Variants in MIER2 observed in about 807,000 individuals in gnomAD.
MIER2 encodes mesoderm induction early response protein 2.
In MIER2, 30 loss-of-function variants were observed where a neutral mutation model predicts 67.6. The observed-to-expected ratio is 0.44, with a 90% CI of 0.33 to 0.60. The LOEUF (loss-of-function observed/expected upper bound fraction) is 0.60. MIER2 is among the 20% of genes least tolerant of loss of function. The pLI is 0.02. For synonymous variants in MIER2, 372 were observed against 312.6 expected (o/e 1.19, Z -2.00); for missense variants, 702 against 745.1 (o/e 0.94, Z 0.67).
rs1682947010 is a variant in MIER2, at chr19:344,779, C to T, written c.4G>A (p.Ala2Thr). The change falls in exon 1 of 14, where the codon GCG becomes ACG. Residue 2 changes from alanine (A) to threonine (T), a missense_variant. By Grantham distance (58) the Ala-to-Thr change is moderately conservative. Around this residue, in one of 3 missense-constraint regions of MIER2, gnomAD observed 320 missense variants for 292.6 expected, o/e 1.09. Transcript: ENST00000264819. M[A>T]EASSLGRQSP... is the part of the protein sequence containing the mutation. ...CCCCCGGCCCGCTCACTCACCTCCGCCATGGCCGTGTGTGCGCGGGAGGCG... is the reference window on the plus strand; with the variant it reads ...CCCCCGGCCCGCTCACTCACCTCCGTCATGGCCGTGTGTGCGCGGGAGGCG... The T allele has an allele frequency of 8.4e-7, 1 of 1,194,276 alleles. No homozygotes were observed. The highest frequency in any genetic ancestry group is 1.0e-6 in the Non-Finnish European group (1 of 963,796). 74.0% of individuals were successfully genotyped at this position (1,194,276 alleles called of 1,614,324 possible).
intron 10 of MIER2, among the ~76,000 whole-genome samples, chr19:310,702 G>A (rs1568216789): frequency 6.6e-6 from 1 of 150,800 alleles, no homozygotes; most frequent in Non-Finnish European, 1.5e-5. Context: ...TAGAAACACG[G>A]CCCGGAGCTA....
rs774393187 is a variant in MIER2 at position 308,632 on chromosome 19, G to A, written c.1143C>T (p.Pro381=). The change falls in exon 12 of 14, where the codon CCC becomes CCT. Residue 381 remains proline, a synonymous_variant. Coordinates refer to ENST00000264819, the MANE Select transcript of MIER2 (RefSeq NM_017550.3). This position sits in a 1 kb window ranked among gnomAD's most constrained non-coding sequence, Gnocchi z 9.1. ...CCGGGCGCGGACGGCCGGGGCCATC[G>A]GGGTCGCTGCCATCCAGGTCCTGGT... The part of the protein sequence containing the change: ...DADQDLDGSD[P]DGPGRPRPEQ... 84 of 1,606,124 alleles carry A rather than the reference G, an allele frequency of 5.2e-5. No individual in the cohort carries two copies. Among genetic ancestry groups the A allele is most frequent in the South Asian group, 1.0e-4 (9 of 90,036 alleles).
chr19:307,179 G>T lies in MIER2; in HGVS notation c.1556C>A (p.Pro519His). ...FGLIGIGDVN[P>H]FLAAHPTCPA... Reference sequence around the variant, plus strand: ...GCACGTGGGGTGGGCGGCCAGGAAGGGGTTCACGTCCCCAATGCCGATGAG... The same window carrying T: ...GCACGTGGGGTGGGCGGCCAGGAAGTGGTTCACGTCCCCAATGCCGATGAG... Residue 519 changes from proline (P) to histidine (H), a missense_variant, in exon 13 of 14, where the codon CCC becomes CAC. Pro to His is a moderately conservative substitution (Grantham distance 77, BLOSUM62 -2). Coordinates refer to ENST00000264819, the MANE Select transcript of MIER2 (RefSeq NM_017550.3). 1 of 1,588,784 alleles carries T rather than the reference G, an allele frequency of 6.3e-7. No homozygotes were observed. The highest frequency in any genetic ancestry group is 2.3e-5 in the East Asian group (1 of 43,732).
intron 7 of MIER2, among the ~76,000 whole-genome samples, chr19:325,305 G>A (rs777616499): frequency 6.6e-5 from 10 of 152,236 alleles, no homozygotes; most frequent in African/African-American, 9.6e-5. Context: ...CCGGCACAGA[G>A]CCATCGAATG....
intron 2 of MIER2, 142 bp from the exon 3 acceptor site, chr19:334,684 G>C: frequency 1.8e-6 from 2 of 1,128,272 alleles, no homozygotes; most frequent in Non-Finnish European, 2.5e-6. Context: ...GAACCCAACA[G>C]GACACCCCAC....
Position 306,397 on chromosome 19 carries a change from G to C in MIER2, c.*293C>G. ...CTCTGCCCTGCGTCCCAACGGCGGG[G>C]TCTCTTCTGTCCCCGGCTGCCCGAC... On this transcript the variant is annotated 3_prime_UTR_variant, in exon 14 of 14. Coordinates refer to ENST00000264819, the MANE Select transcript of MIER2 (RefSeq NM_017550.3). 1 of 561,344 alleles carries C rather than the reference G, an allele frequency of 1.8e-6. No individual in the cohort carries two copies. The highest frequency in any genetic ancestry group is 2.2e-5 in the South Asian group (1 of 45,036). 34.8% of individuals were successfully genotyped at this position (561,344 alleles called of 1,614,324 possible). A position where few individuals can be genotyped will look rare whatever the true frequency, so the allele number is the denominator to read the frequency against.
chr19:325,189 GAA>G (rs907166609), intron 7 of MIER2, among the ~76,000 whole-genome samples: 17 of 152,366 alleles, frequency 1.1e-4, no homozygotes, highest in African/African-American at 4.1e-4. Context: ...ACTCTAGTGG[GAA>G]AGAGACGAAG....
chr19:329,651 G>A (rs910817911), intron 3 of MIER2, among the ~76,000 whole-genome samples: 3 of 152,122 alleles, frequency 2.0e-5, no homozygotes, highest in African/African-American at 7.2e-5. Flanking sequence ...CACTTTGGGA[G>A]GCTGAGGCAG....
At chr19:344,696 C>G in intron 1 of MIER2, 78 bp downstream of exon 1, 2 of 972,276 alleles carry the variant, frequency 2.1e-6, no homozygotes, top group South Asian at 9.8e-5. Flanking sequence ...CTGGGGCCCA[C>G]GACGAGGCCG....
chr19:335,954 GCTGGGACACC>G (rs1972232968), intron 2 of MIER2, 119 bp downstream of exon 2: 1 of 848,254 alleles, frequency 1.2e-6, no homozygotes, highest in Admixed American at 2.3e-5. Context: ...ACGGGTGGGA[GCTGGGACACC>G]CTGGACTCTG....
In MIER2 at chr19:325,632, T is replaced by TA; in HGVS notation, c.655+2dup. 1 of 1,614,162 alleles carries TA rather than the reference T, an allele frequency of 6.2e-7. No individual in the cohort carries two copies. Among genetic ancestry groups the TA allele is most frequent in the Non-Finnish European group, 8.5e-7 (1 of 1,180,016 alleles). On this transcript the variant is annotated splice_region_variant and intron_variant, in intron 7 of 13. Transcript: ENST00000264819. ...TCGCCTCCTCTCCCCAGGCCCTACT[T>TA]ACTCTTCTCACAGTGCCGGTTCAAG...
At chr19:344,311 G>C (rs1239006294) in intron 1 of MIER2, 1 of 984,834 alleles carries the variant, frequency 1.0e-6, no homozygotes, top group African/African-American at 1.7e-5. Flanking sequence ...GGGTCCACCG[G>C]GATCCCGATG....
chr19:339,312 C>A (rs568025482), intron 1 of MIER2, among the ~76,000 whole-genome samples: 58 of 152,236 alleles, frequency 3.8e-4, no homozygotes, highest in African/African-American at 1.4e-3. Flanking sequence ...AGACATTTCT[C>A]CAAAGAGGAC....
chr19:312,016 G>A, intron 9 of MIER2, 77 bp from the exon 10 acceptor site: 1 of 1,183,098 alleles, frequency 8.5e-7, no homozygotes, highest in South Asian at 1.8e-5. Flanking sequence ...AGGCCGGGGA[G>A]AACAGTCAGC....
intron 1 of MIER2, chr19:343,810 A>G (rs901867721): frequency 8.7e-5 from 85 of 982,282 alleles, no homozygotes; most frequent in Non-Finnish European, 1.0e-4. Context: ...CTTCACCTAC[A>G]TTATCTCTTT....
intron 1 of MIER2, among the ~76,000 whole-genome samples, chr19:336,911 T>C (rs8182545): frequency 0.73 from 110,578 of 151,370 alleles, 40,612 homozygotes; most frequent in African/African-American, 0.79. Flanking sequence ...GGCGCAATCT[T>C]GGCTCACTGC....
intron 7 of MIER2, among the ~76,000 whole-genome samples, chr19:323,439 A>C (rs1282116486): frequency 6.6e-6 from 1 of 151,956 alleles, no homozygotes; most frequent in African/African-American, 2.4e-5. Context: ...GGACACACAC[A>C]CACAACCATG....
At chr19:341,329 G>A (rs924924556) in intron 1 of MIER2, among the ~76,000 whole-genome samples, 15 of 152,332 alleles carry the variant, frequency 9.8e-5, no homozygotes, top group African/African-American at 3.6e-4. Flanking sequence ...GTAACAGGGA[G>A]TTAACATATG....
At chr19:344,593 G>T in intron 1 of MIER2, 181 bp downstream of exon 1, 1 of 268,878 alleles carries the variant, frequency 3.7e-6, no homozygotes, top group Non-Finnish European at 5.6e-6. Flanking sequence ...GGCCGGCCGG[G>T]GGCGGCCGCC....
Sources: gnomAD v4.1 joint callset for allele counts (sites outside exome capture counted in the v4.1 genomes callset) on GRCh38, gnomAD v4.1.1 for gene constraint, gnomAD v4.1.1 regional missense constraint, Gnocchi (gnomAD v3.1) non-coding constraint, MANE v1.5 for transcripts, NCBI Gene and HGNC (gene_info 2026-07-23, HGNC 2026-07-21) for gene names.